Variants in PACS2 observed in about 807,000 individuals in gnomAD.
The protein encoded by PACS2 is phosphofurin acidic cluster sorting protein 2, also known as PACS1-like protein.
In PACS2, 36 loss-of-function variants were observed where a neutral mutation model predicts 113.0. The observed-to-expected ratio is 0.32, with a 90% CI of 0.24 to 0.42. The LOEUF (loss-of-function observed/expected upper bound fraction) is 0.42. Ranked by LOEUF, PACS2 falls within the 10% of genes least tolerant of loss-of-function variation. PACS2 has a pLI of 1.00. For synonymous variants in PACS2, 589 were observed against 536.1 expected (o/e 1.10, Z -1.36); for missense variants, 1,015 against 1,239.5 (o/e 0.82, Z 2.72).
intron 2 of PACS2, 37 bp from the exon 3 acceptor site, chr14:105,352,333 TGATATGCA>T (rs1455931556): frequency 7.9e-7 from 1 of 1,258,130 alleles, no homozygotes; most frequent in Non-Finnish European, 1.2e-6. Flanking sequence ...GGTTTCCTGC[TGATATGCA>T]GTCCTTTGAG....
chr14:105,364,365 A>C (rs1343894610), intron 4 of PACS2, among the ~76,000 whole-genome samples: 1 of 62,808 alleles, frequency 1.6e-5, no homozygotes, highest in Non-Finnish European at 2.9e-5. Context: ...TCCCGGGTGC[A>C]CGGTGGGCGT....
Position 105,315,936 on chromosome 14 carries a change from T to G in PACS2, c.119+899T>G, listed in dbSNP as rs1595543986. 6.6e-6 allele frequency among the ~76,000 whole-genome samples: 1 copy of G among 151,772 alleles called. No homozygotes were observed. The highest frequency in any genetic ancestry group is 2.4e-5 in the African/African-American group (1 of 41,266). ...AGTTCTCCCTGGGGAGATGGGAGGG[T>G]GAGCGGACCTTCCAGGCACTGGAAG... On this transcript the variant is annotated intron_variant, in intron 1 of 24. Coordinates refer to ENST00000447393, the MANE Select transcript of PACS2 (RefSeq NM_001100913.3). The surrounding 1 kb of genome is among the most constrained non-coding windows in gnomAD (Gnocchi z 4.4).
chr14:105,314,103 T>C (rs1397688717), upstream of PACS2, among the ~76,000 whole-genome samples: 1 of 152,058 alleles, frequency 6.6e-6, no homozygotes, highest in African/African-American at 2.4e-5. Context: ...GCGCCCCGAG[T>C]GGCTTCGAGT....
chr14:105,377,111 G>A (rs1555410664), intron 9 of PACS2, among the ~76,000 whole-genome samples, 186 bp downstream of exon 9: 1 of 152,182 alleles, frequency 6.6e-6, no homozygotes, highest in East Asian at 1.9e-4. Context: ...CCCAGGCTAC[G>A]GCTGCACTGA....
intron 19 of PACS2, among the ~76,000 whole-genome samples, chr14:105,387,270 G>A (rs782289166): frequency 2.0e-5 from 3 of 152,214 alleles, no homozygotes; most frequent in African/African-American, 7.2e-5. Flanking sequence ...GCTCCCCTGC[G>A]AGAGTCCCTC....
chr14:105,321,085 G>A (rs2058867437), intron 1 of PACS2, among the ~76,000 whole-genome samples: 1 of 152,180 alleles, frequency 6.6e-6, no homozygotes. Context: ...CTTGGGAGGC[G>A]GAGGTTGCAG....
intron 1 of PACS2, among the ~76,000 whole-genome samples, chr14:105,336,092 G>A (rs926524305): frequency 6.6e-6 from 1 of 152,204 alleles, no homozygotes; most frequent in African/African-American, 2.4e-5. Flanking sequence ...GCTCCCACGC[G>A]GGCAGGCTCG....
chr14:105,327,849 G>A (rs899971924), intron 1 of PACS2, among the ~76,000 whole-genome samples: 8 of 150,658 alleles, frequency 5.3e-5, no homozygotes, highest in African/African-American at 9.8e-5. Context: ...TTGGCTCACC[G>A]GCCCAGGCCA....
At position 105,384,923 on chromosome 14, in the gene PACS2, G is replaced by T. The variant is rs369928489; in HGVS notation, c.1936G>T (p.Ala646Ser). ...TGTGTCACGCATCACGCAGTACATC[G>T]CAGGGGCCAACTGTGCCCACCAGCT... ...DIVSRITQYI[A>S]GANCAHQLPI... Residue 646 changes from alanine (A) to serine (S), a missense_variant, in exon 18 of 25, where the codon GCA becomes TCA. Ala to Ser is a moderately conservative substitution (Grantham distance 99). This residue lies in a region of PACS2 where 859 missense variants were observed against 1,056.8 expected (regional missense o/e 0.81). Coordinates refer to ENST00000447393, the MANE Select transcript of PACS2 (RefSeq NM_001100913.3). 5 of 1,601,988 alleles carry T rather than the reference G, an allele frequency of 3.1e-6. No homozygotes were observed. Among genetic ancestry groups the T allele is most frequent in the South Asian group, 1.1e-5 (1 of 89,040 alleles).
At chr14:105,342,033 G>A (rs1200076483) in intron 1 of PACS2, among the ~76,000 whole-genome samples, 7 of 152,214 alleles carry the variant, frequency 4.6e-5, no homozygotes, top group African/African-American at 1.2e-4. Context: ...CAAGTCAAAC[G>A]AATGTAAGGA....
Position 105,327,049 on chromosome 14 carries a change from C to T in PACS2, c.119+12012C>T, listed in dbSNP as rs189368705. Among the ~76,000 whole-genome samples, 23 of 152,338 alleles carry T rather than the reference C, an allele frequency of 1.5e-4. No homozygotes were observed. The East Asian group carries it at 4.2e-3, about 28-fold the overall frequency. On this transcript the variant is annotated intron_variant, in intron 1 of 24. Coordinates refer to ENST00000447393, the MANE Select transcript of PACS2 (RefSeq NM_001100913.3). The stretch of plus-strand genomic sequence containing the variant: ...GCCTGGCTATGGCTTCAGCTGGAAA[C>T]GGAGCTGAGCGTGGCTTATGTTTAT...
At chr14:105,331,775 C>T (rs1281608523) in intron 1 of PACS2, among the ~76,000 whole-genome samples, 1 of 152,232 alleles carries the variant, frequency 6.6e-6, no homozygotes, top group Non-Finnish European at 1.5e-5. Context: ...CTACTTTGCT[C>T]ACCTGTGGCC....
At position 105,381,128 on chromosome 14, in the gene PACS2, C is replaced by T. The variant is rs782380404; in HGVS notation, c.1268+29C>T. On this transcript the variant is annotated intron_variant, in intron 12 of 24. Transcript: ENST00000447393. ...ATGGGGGCTGCACGGCGGGGCGGGG[C>T]GGTGATGCACCTGTCGGGGGAGGGG... 38 of 1,578,240 alleles carry T rather than the reference C, an allele frequency of 2.4e-5. No homozygotes were observed. The Admixed American group carries it at 2.4e-4, about 10-fold the overall frequency.
chr14:105,383,610 C>T (rs1021864931), intron 16 of PACS2, 97 bp downstream of exon 16: 27 of 1,202,442 alleles, frequency 2.2e-5, no homozygotes, highest in Middle Eastern at 2.1e-4. Context: ...TGTTGTGTGG[C>T]GTGGCGTGGC....
intron 19 of PACS2, chr14:105,389,517 C>T (rs1303008964): frequency 2.1e-5 from 4 of 191,336 alleles, no homozygotes; most frequent in Non-Finnish European, 3.3e-5. Context: ...CCAGGCTCTT[C>T]CTGGGAGTCC....
At chr14:105,333,214 G>A (rs1455878263) in intron 1 of PACS2, among the ~76,000 whole-genome samples, 1 of 152,196 alleles carries the variant, frequency 6.6e-6, no homozygotes. Context: ...CCTGCTGCAT[G>A]TGCTCCTGGT....
At position 105,370,080 on chromosome 14, in the gene PACS2, A is replaced by G. The variant is rs1422583036; in HGVS notation, c.801+180A>G. ...ACAGTGGCACTGCCTCCCGGGCTCC[A>G]GGTCACCCGCTGGGTCTCTGCTGAA... On this transcript the variant is annotated intron_variant, in intron 8 of 24. Coordinates refer to ENST00000447393, the MANE Select transcript of PACS2 (RefSeq NM_001100913.3). 1.5e-5 allele frequency: 9 copies of G among 581,314 alleles called. No homozygotes were observed. The East Asian group carries it at 1.8e-4, about 12-fold the overall frequency. 36.0% of individuals were successfully genotyped at this position (581,314 alleles called of 1,614,324 possible).
rs587736207 is a variant in PACS2 at position 105,359,647 on chromosome 14, A to T, written c.423+4470A>T. 2.9e-4 allele frequency among the ~76,000 whole-genome samples: 40 copies of T among 137,272 alleles called. 1 individual carries two copies. In the South Asian group the frequency reaches 8.6e-3, roughly 30 times the overall value. 90.1% of individuals were successfully genotyped at this position (137,272 alleles called of 152,430 possible). Reference sequence around the variant, plus strand: ...CGCTCTGTCGCCCAGGCTGGAGTGCAGTGCCGCAATCTCAGCTCACTGCAA... The same window carrying T: ...CGCTCTGTCGCCCAGGCTGGAGTGCTGTGCCGCAATCTCAGCTCACTGCAA... On this transcript the variant is annotated intron_variant, in intron 4 of 24. Coordinates refer to ENST00000447393, the MANE Select transcript of PACS2 (RefSeq NM_001100913.3).
upstream of PACS2, among the ~76,000 whole-genome samples, chr14:105,312,244 C>T (rs2058368643): frequency 6.6e-6 from 1 of 152,246 alleles, no homozygotes; most frequent in Non-Finnish European, 1.5e-5. Flanking sequence ...TCGGCCCATC[C>T]TGTCCCATGA....
Sources: allele counts gnomAD v4.1 joint callset (sites outside exome capture counted in the v4.1 genomes callset), GRCh38; gene constraint gnomAD v4.1.1; regional missense constraint gnomAD v4.1.1; non-coding constraint Gnocchi (gnomAD v3.1); transcripts MANE v1.5; gene names NCBI Gene and HGNC (gene_info 2026-07-23, HGNC 2026-07-21).